The following TEDC1 variants were observed in gnomAD, a reference collection of about 807,000 sequenced individuals.
TEDC1 encodes the protein tubulin epsilon and delta complex 1.
TEDC1 carries 54 observed loss-of-function variants against 59.9 expected under a neutral mutation model. The observed-to-expected ratio is 0.90, with a 90% CI of 0.72 to 1.13. TEDC1 has a LOEUF of 1.13. Among genes scored for constraint, TEDC1 ranks in the 50% most tolerant of loss-of-function variants. The pLI is 0.00. For missense variants in TEDC1, 734 were observed against 683.4 expected (o/e 1.07, Z -0.83); for synonymous variants, 353 against 298.1 (o/e 1.18, Z -1.90).
chr14:105,496,146 G>GCCCCCCC, intron 6 of TEDC1, 60 bp downstream of exon 6: 2 of 331,608 alleles, frequency 6.0e-6, no homozygotes, highest in East Asian at 7.7e-5. Context: ...GGGTGGGAGG[G>GCCCCCCC]GGTGGCGAGG....
Position 105,491,471 on chromosome 14 carries a change from G to T in TEDC1, c.96G>T (p.Ser32=). 6.8e-7 allele frequency: 1 copy of T among 1,476,628 alleles called. No individual in the cohort carries two copies. 91.5% of individuals were successfully genotyped at this position (1,476,628 alleles called of 1,614,324 possible). ...AIAALSRSLP[S]GPSPEIFRRA... ...CCGCGTTGAGTCGGTCGCTGCCCTC[G>T]GGACCCAGCCCCGAGATCTTCCGCC... The change falls in exon 1 of 9, where the codon TCG becomes TCT. Residue 32 remains serine (S), a synonymous_variant. Transcript: ENST00000392523.
intron 4 of TEDC1, among the ~76,000 whole-genome samples, chr14:105,493,257 C>T (rs1162038125): frequency 6.6e-6 from 1 of 152,140 alleles, no homozygotes; most frequent in Non-Finnish European, 1.5e-5. Context: ...GGCGGGCTCC[C>T]ACCAGCGCGG....
At chr14:105,497,165 G>A (rs587767506) in intron 6 of TEDC1, 192 bp from the exon 7 acceptor site, 20 of 660,220 alleles carry the variant, frequency 3.0e-5, no homozygotes, top group East Asian at 1.1e-4. Flanking sequence ...GGGCTGTGGC[G>A]TCCGCACCAC....
At chr14:105,497,553 G>A (rs145196075) in intron 7 of TEDC1, 110 bp downstream of exon 7, 36 of 1,330,744 alleles carry the variant, frequency 2.7e-5, no homozygotes, top group Non-Finnish European at 3.2e-5. Context: ...TTTTAGGGAG[G>A]CCACAGACCT....
chr14:105,495,674 C>T (rs1242643328), intron 5 of TEDC1: 13 of 575,006 alleles, frequency 2.3e-5, no homozygotes, highest in African/African-American at 1.3e-4. Context: ...GGCGGCTCAG[C>T]GAAGCCCAGG....
rs74091203 is a variant in TEDC1 at position 105,492,612 on chromosome 14, C to G, written c.463C>G (p.Pro155Ala). 152 of 1,541,750 alleles carry G rather than the reference C, an allele frequency of 9.9e-5. No individual in the cohort carries two copies. In the African/African-American group the frequency reaches 1.8e-3, roughly 19 times the overall value. ...EALASPGPPA[P>A]HMEAEGPVDV... ...CCTGGCCAGCCCTGGCCCACCTGCA[C>G]CCCACATGGAAGCAGAGGGTCCTGT... Residue 155 changes from proline to alanine, a missense_variant, in exon 4 of 9, where the codon CCC (proline) becomes GCC (alanine). By Grantham distance (27) the Pro-to-Ala change is conservative. Transcript: ENST00000392523.
In TEDC1 at chr14:105,498,650, G is replaced by A. The variant is rs113336000; in HGVS notation, c.1192G>A (p.Ala398Thr). The A allele has an allele frequency of 9.4e-5, 146 of 1,554,102 alleles. 4 individuals carry two copies. The Middle Eastern group carries it at 2.7e-3, about 29-fold the overall frequency. The change falls in exon 9 of 9, where the codon GCC (alanine) becomes ACC (threonine). Residue 398 changes from alanine (A) to threonine (T), a missense_variant. Coordinates refer to ENST00000392523, the MANE Select transcript of TEDC1 (RefSeq NM_001367178.1). ...CTGTGGACGGGGGCCAGAGTGGAGT[G>A]CCGCGCGGCGGGCCTCTCGGGAGGC... is the stretch of plus-strand genomic sequence containing the variant. ...GGCGRGPEWSAARRASREAVE... is the reference protein window; with the variant it reads ...GGCGRGPEWSTARRASREAVE...
rs781843164 is a variant in TEDC1 at position 105,492,682 on chromosome 14, G to A, written c.533G>A (p.Arg178Gln). ...VQWLMGKLRF[R>Q]WRQLVSSQQE... is the part of the protein sequence containing the mutation. ...TGGCTGATGGGAAAGCTGCGGTTCCGGTGGCGCCAGCTGGTGTCCAGTCAG... is the reference window on the plus strand; with the variant it reads ...TGGCTGATGGGAAAGCTGCGGTTCCAGTGGCGCCAGCTGGTGTCCAGTCAG... The change falls in exon 4 of 9, where the codon CGG (arginine) becomes CAG (glutamine). Residue 178 changes from arginine (R) to glutamine (Q), a missense_variant. Arg to Gln is a conservative substitution (Grantham distance 43). Transcript: ENST00000392523. 70 of 1,544,532 alleles carry A rather than the reference G, an allele frequency of 4.5e-5. No homozygotes were observed. Among genetic ancestry groups the A allele is most frequent in the South Asian group, 8.3e-5 (7 of 84,070 alleles).
Position 105,496,094 on chromosome 14 carries a change from G to A in TEDC1, c.891+8G>A, listed in dbSNP as rs980690650. On this transcript the variant is annotated splice_region_variant and intron_variant, in intron 6 of 8. Coordinates refer to ENST00000392523, the MANE Select transcript of TEDC1 (RefSeq NM_001367178.1). Reference sequence around the variant, plus strand: ...CTCTCCCCTTTTAGGGCGGTAAGTCGGGGAGGCTGGCAGGGAAGTGGAGAC... The same window carrying A: ...CTCTCCCCTTTTAGGGCGGTAAGTCAGGGAGGCTGGCAGGGAAGTGGAGAC... The A allele has an allele frequency of 5.9e-6, 9 of 1,538,320 alleles. No individual in the cohort carries two copies. Among genetic ancestry groups the A allele is most frequent in the Admixed American group, 4.0e-5 (2 of 50,430 alleles).
intron 5 of TEDC1, 70 bp from the exon 6 acceptor site, chr14:105,495,810 C>T (rs2084331859): frequency 2.3e-6 from 3 of 1,296,704 alleles, no homozygotes; most frequent in African/African-American, 1.5e-5. Flanking sequence ...AAGTGAGGCC[C>T]CGCCCTCTCC....
At chr14:105,497,774 G>A (rs369300453) in intron 7 of TEDC1, 24 bp from the exon 8 acceptor site, 94 of 1,513,934 alleles carry the variant, frequency 6.2e-5, no homozygotes, top group Non-Finnish European at 7.5e-5. Flanking sequence ...CTTGGTGCAC[G>A]CTGTCTCACT....
At position 105,496,104 on chromosome 14, in the gene TEDC1, G is replaced by A; in HGVS notation, c.891+18G>A. On this transcript the variant is annotated intron_variant, in intron 6 of 8. Coordinates refer to ENST00000392523, the MANE Select transcript of TEDC1 (RefSeq NM_001367178.1). ...TTAGGGCGGTAAGTCGGGGAGGCTG[G>A]CAGGGAAGTGGAGACCGCAGGACTT... is the stretch of plus-strand genomic sequence containing the variant. 2 of 1,384,582 alleles carry A rather than the reference G, an allele frequency of 1.4e-6. No individual in the cohort carries two copies. Among genetic ancestry groups the A allele is most frequent in the Non-Finnish European group, 9.6e-7 (1 of 1,041,896 alleles). The allele number at this position is 1,384,582 out of a possible 1,614,324, so 85.8% of individuals were successfully genotyped here. A position where few individuals can be genotyped will look rare whatever the true frequency, so the allele number is the denominator to read the frequency against.
chr14:105,498,801 C>T lies in TEDC1; in HGVS notation c.1343C>T (p.Ala448Val). ...GCAGCAGGGGACCGGGACCTGCGGG[C>T]AGCTGTGGTGATCAGGACGCTGAGG... is the stretch of plus-strand genomic sequence containing the variant. Reference protein sequence around the residue: ...DGAAGDRDLRAAVVIRTLRSQ... With the variant: ...DGAAGDRDLRVAVVIRTLRSQ... Residue 448 changes from alanine (A) to valine (V), a missense_variant, in exon 9 of 9, where the codon GCA (alanine) becomes GTA (valine). Physicochemically the swap from Ala to Val is moderately conservative, Grantham distance 64. Coordinates refer to ENST00000392523, the MANE Select transcript of TEDC1 (RefSeq NM_001367178.1). 1.9e-6 allele frequency: 3 copies of T among 1,592,024 alleles called. No homozygotes were observed. Among genetic ancestry groups the T allele is most frequent in the Non-Finnish European group, 2.6e-6 (3 of 1,170,740 alleles).
intron 6 of TEDC1, 104 bp from the exon 7 acceptor site, chr14:105,497,253 C>G (rs971424484): frequency 6.2e-5 from 70 of 1,135,198 alleles, no homozygotes; most frequent in Non-Finnish European, 8.7e-5. Context: ...GGGGCGTGAG[C>G]TAGGCGTTGG....
chr14:105,491,980 C>G, intron 2 of TEDC1, 127 bp from the exon 3 acceptor site: 1 of 1,035,184 alleles, frequency 9.7e-7, no homozygotes, highest in East Asian at 2.6e-5. Flanking sequence ...CTAGCTCTCC[C>G]ACTATCATCT....
chr14:105,492,609 G>A lies in TEDC1; in HGVS notation c.460G>A (p.Ala154Thr). 2 of 1,541,372 alleles carry A rather than the reference G, an allele frequency of 1.3e-6. No homozygotes were observed. Among genetic ancestry groups the A allele is most frequent in the Non-Finnish European group, 8.7e-7 (1 of 1,146,880 alleles). Residue 154 changes from alanine (A) to threonine (T), a missense_variant, in exon 4 of 9, where the codon GCA (alanine) becomes ACA (threonine). By Grantham distance (58) the Ala-to-Thr change is moderately conservative (BLOSUM62 0). Transcript: ENST00000392523. ...GGCCCTGGCCAGCCCTGGCCCACCT[G>A]CACCCCACATGGAAGCAGAGGGTCC... ...CEALASPGPP[A>T]PHMEAEGPVD...
chr14:105,492,097 T>G lies in TEDC1; in HGVS notation c.227-10T>G, dbSNP rs782078773. The G allele has an allele frequency of 1.0e-5, 16 of 1,586,032 alleles. No individual in the cohort carries two copies. The highest frequency in any genetic ancestry group is 1.4e-5 in the Non-Finnish European group (16 of 1,166,818). ...GGTGGTCCCCCTAAGGTGGTGGTCT[T>G]CTGTCCTAGAGGTCCAAGCCCGCTT... On this transcript the variant is annotated splice_polypyrimidine_tract_variant and intron_variant, in intron 2 of 8. Coordinates refer to ENST00000392523, the MANE Select transcript of TEDC1 (RefSeq NM_001367178.1).
rs868944368 is a variant in TEDC1, at chr14:105,495,834, C to T, written c.685-46C>T. 126 of 1,434,858 alleles carry T rather than the reference C, an allele frequency of 8.8e-5. No homozygotes were observed. The Middle Eastern group carries it at 1.5e-3, about 17-fold the overall frequency. The allele number at this position is 1,434,858 out of a possible 1,614,324, so 88.9% of individuals were successfully genotyped here. A position where few individuals can be genotyped will look rare whatever the true frequency, so the allele number is the denominator to read the frequency against. On this transcript the variant is annotated intron_variant, in intron 5 of 8. Coordinates refer to ENST00000392523, the MANE Select transcript of TEDC1 (RefSeq NM_001367178.1). The stretch of plus-strand genomic sequence containing the variant: ...CCCGCCCTCTCCCCGAAGCTGTGTG[C>T]GGCACTGGCCAGGTGGACTGGGGCC...
At position 105,491,707 on chromosome 14, in the gene TEDC1, C is replaced by T; in HGVS notation, c.226+7C>T. The T allele has an allele frequency of 1.9e-6, 3 of 1,547,000 alleles. No homozygotes were observed. In the South Asian group the frequency reaches 3.6e-5, roughly 18 times the overall value. ...TTGGCATCGCTCGCCCTGGGTAAGC[C>T]CCGCTCCTGGCCCCGCCCACCCGGT... On this transcript the variant is annotated splice_region_variant and intron_variant, in intron 2 of 8. Coordinates refer to ENST00000392523, the MANE Select transcript of TEDC1 (RefSeq NM_001367178.1).
Sources: allele counts gnomAD v4.1 joint callset (sites outside exome capture counted in the v4.1 genomes callset), GRCh38; gene constraint gnomAD v4.1.1; transcripts MANE v1.5; gene names NCBI Gene and HGNC (gene_info 2026-07-23, HGNC 2026-07-21).